The following ADAMTSL1 variants were observed in gnomAD, a reference collection of about 807,000 sequenced individuals.
The protein encoded by ADAMTSL1 is ADAMTS like 1, also known as ADAMTS-like protein 1.
Under a neutral mutation model 201.8 loss-of-function variants are expected in ADAMTSL1, and 126 were observed. That is an observed-to-expected ratio of 0.62 (90% CI 0.54 to 0.72). The LOEUF (loss-of-function observed/expected upper bound fraction) is 0.72, where lower values mean the gene tolerates loss of function less well. Among genes scored for constraint, ADAMTSL1 ranks in the 30% least tolerant of loss-of-function variants. The probability of loss-of-function intolerance (pLI) is 0.00; values close to 1 mark genes in which losing one functional copy is unlikely to be tolerated. For synonymous variants in ADAMTSL1, 1,121 were observed against 903.4 expected (o/e 1.24, Z -4.32); for missense variants, 2,679 against 2,277.8 (o/e 1.18, Z -3.59).
intron 4 of ADAMTSL1, among the ~76,000 whole-genome samples, chr9:18,584,373 C>CG (rs914447314): frequency 2.0e-5 from 3 of 152,030 alleles, no homozygotes; most frequent in Non-Finnish European, 2.9e-5. Flanking sequence ...TGAGGCCCCC[C>CG]CCAGCCACAT....
chr9:18,783,642 A>G (rs566829470), intron 19 of ADAMTSL1, among the ~76,000 whole-genome samples: 4 of 152,240 alleles, frequency 2.6e-5, no homozygotes, highest in East Asian at 1.9e-4. Flanking sequence ...AAAAGAGCCA[A>G]TGAAATTGAG....
At chr9:18,874,198 T>A (rs1366872023) in intron 23 of ADAMTSL1, among the ~76,000 whole-genome samples, 2 of 152,034 alleles carry the variant, frequency 1.3e-5, no homozygotes, top group Admixed American at 6.6e-5. Flanking sequence ...TTTGGAAGAG[T>A]CTTTAGGGCT....
intron 1 of ADAMTSL1, among the ~76,000 whole-genome samples, chr9:17,919,475 C>A (rs1313204709): frequency 6.6e-6 from 1 of 151,928 alleles, no homozygotes; most frequent in Non-Finnish European, 1.5e-5. Flanking sequence ...TTATATCACC[C>A]CCTTACTTCC....
At chr9:18,239,456 T>C (rs1219180884) in intron 2 of ADAMTSL1, among the ~76,000 whole-genome samples, 4 of 152,148 alleles carry the variant, frequency 2.6e-5, no homozygotes, top group African/African-American at 9.7e-5. Flanking sequence ...ACCCACTATC[T>C]GGCTGGGCAC....
intron 5 of ADAMTSL1, among the ~76,000 whole-genome samples, chr9:18,623,536 A>G (rs1204544353): frequency 2.0e-5 from 3 of 152,108 alleles, no homozygotes; most frequent in Non-Finnish European, 2.9e-5. Context: ...AAGCAGATAG[A>G]TGGATCAAGG....
chr9:18,089,254 G>A (rs1482473591), intron 1 of ADAMTSL1, among the ~76,000 whole-genome samples: 1 of 152,086 alleles, frequency 6.6e-6, no homozygotes, highest in Non-Finnish European at 1.5e-5. Context: ...AAGAAAAGTG[G>A]CACATATATA....
intron 23 of ADAMTSL1, among the ~76,000 whole-genome samples, chr9:18,854,812 T>A (rs1826741287): frequency 6.6e-6 from 1 of 152,214 alleles, no homozygotes; most frequent in Non-Finnish European, 1.5e-5. Flanking sequence ...ATGGACCATA[T>A]TATGACTATC....
intron 2 of ADAMTSL1, among the ~76,000 whole-genome samples, chr9:18,283,931 G>GAAAAAAA (rs1832894044): frequency 1.5e-5 from 1 of 64,870 alleles, no homozygotes; most frequent in Non-Finnish European, 2.8e-5. Flanking sequence ...AAAAAAAAAA[G>GAAAAAAA]AAGAAGAAGA....
At chr9:18,416,460 A>G (rs570561692) in intron 2 of ADAMTSL1, among the ~76,000 whole-genome samples, 44 of 152,156 alleles carry the variant, frequency 2.9e-4, no homozygotes, top group African/African-American at 1.0e-3. Context: ...TAAACATCCA[A>G]TTGAAAGATA....
chr9:18,073,139 T>A (rs1201889064), intron 1 of ADAMTSL1, among the ~76,000 whole-genome samples: 2 of 152,176 alleles, frequency 1.3e-5, no homozygotes, highest in Non-Finnish European at 2.9e-5. Context: ...TGCCACGTGT[T>A]TTCTCTTCAT....
chr9:18,298,200 A>C (rs1326580601), intron 2 of ADAMTSL1, among the ~76,000 whole-genome samples: 1 of 152,222 alleles, frequency 6.6e-6, no homozygotes, highest in East Asian at 1.9e-4. Context: ...ACTCCAATTA[A>C]GATAAAGGTA....
chr9:18,148,219 G>GA (rs1408436815), intron 1 of ADAMTSL1, among the ~76,000 whole-genome samples: 1 of 151,314 alleles, frequency 6.6e-6, no homozygotes, highest in Admixed American at 6.6e-5. Context: ...GAACTGAAGG[G>GA]AAAAAAGCTC....
chr9:17,964,942 C>T (rs1287486922), intron 1 of ADAMTSL1, among the ~76,000 whole-genome samples: 1 of 152,076 alleles, frequency 6.6e-6, no homozygotes, highest in Non-Finnish European at 1.5e-5. Flanking sequence ...GTGATCTTGG[C>T]TCACTGCAAC....
chr9:18,514,614 G>C (rs911943976), intron 2 of ADAMTSL1, among the ~76,000 whole-genome samples: 1 of 152,178 alleles, frequency 6.6e-6, no homozygotes, highest in African/African-American at 2.4e-5. Context: ...ACAGGCGTGA[G>C]CCACCACGCC....
rs1226522687 is a variant in ADAMTSL1 at position 18,680,340 on chromosome 9, T to C, written c.1165T>C (p.Ser389Pro). The C allele has an allele frequency of 6.2e-7, 1 of 1,613,974 alleles. No individual in the cohort carries two copies. The highest frequency in any genetic ancestry group is 8.5e-7 in the Non-Finnish European group (1 of 1,180,024). Reference sequence around the variant, plus strand: ...GGAGGCCACCCCATGGACCGCGTGCTCCTCCTCGTGTGGGGGGGGCATCCA... The same window carrying C: ...GGAGGCCACCCCATGGACCGCGTGCCCCTCCTCGTGTGGGGGGGGCATCCA... ...RWEATPWTACSSSCGGGIQSR... is the reference protein window; with the variant it reads ...RWEATPWTACPSSCGGGIQSR... The change falls in exon 11 of 29, where the codon TCC (serine) becomes CCC (proline). Residue 389 changes from serine to proline, a missense_variant. Physicochemically the swap from Ser to Pro is moderately conservative, Grantham distance 74. Transcript: ENST00000380548.
intron 2 of ADAMTSL1, among the ~76,000 whole-genome samples, chr9:18,335,057 G>T (rs544340562): frequency 2.0e-5 from 3 of 152,100 alleles, no homozygotes; most frequent in Admixed American, 6.6e-5. Flanking sequence ...TAACTTGAAG[G>T]TTACGTAAGG....
Position 18,103,659 on chromosome 9 carries a change from A to G in ADAMTSL1, c.88-60203A>G, listed in dbSNP as rs952713983. On this transcript the variant is annotated intron_variant, in intron 1 of 29. Transcript: ENST00000680146. The stretch of plus-strand genomic sequence containing the variant: ...AAGTATCTATCATTGTAGGTTTCTT[A>G]TAGTATTTGAGTGCCTGCTATAAAA... Among the ~76,000 whole-genome samples, 6 of 152,190 alleles carry G rather than the reference A, an allele frequency of 3.9e-5. No homozygotes were observed. In the South Asian group the frequency reaches 8.3e-4, roughly 21 times the overall value.
intron 1 of ADAMTSL1, among the ~76,000 whole-genome samples, chr9:17,945,948 C>G (rs936844618): frequency 6.6e-6 from 1 of 151,592 alleles, no homozygotes; most frequent in Admixed American, 6.6e-5. Context: ...CACATGTACC[C>G]TAAAACTTAA....
intron 1 of ADAMTSL1, among the ~76,000 whole-genome samples, chr9:17,975,174 G>A (rs1818394198): frequency 6.6e-6 from 1 of 151,914 alleles, no homozygotes; most frequent in Non-Finnish European, 1.5e-5. Context: ...TGTAAAAAAT[G>A]TCCATTCAGG....
Sources: allele counts gnomAD v4.1 joint callset (sites outside exome capture counted in the v4.1 genomes callset), GRCh38; gene constraint gnomAD v4.1.1; transcripts MANE v1.5; gene names NCBI Gene and HGNC (gene_info 2026-07-23, HGNC 2026-07-21).